Variants in MIOS observed in about 807,000 individuals in gnomAD.
The protein encoded by MIOS is GATOR2 complex protein MIOS.
MIOS carries 52 observed loss-of-function variants against 96.9 expected under a neutral mutation model. The observed-to-expected ratio is 0.54, with a 90% CI of 0.43 to 0.68. The LOEUF (loss-of-function observed/expected upper bound fraction) is 0.68, where lower values mean the gene tolerates loss of function less well. MIOS is among the 30% of genes least tolerant of loss of function. MIOS has a pLI of 0.00. For missense variants in MIOS, 1,005 were observed against 1,052.8 expected (o/e 0.95, Z 0.63); for synonymous variants, 397 against 359.5 (o/e 1.10, Z -1.18).
rs4222 is a variant in MIOS at position 7,607,056 on chromosome 7, A to T, written c.2592A>T (p.Thr864=). ...CTCKCMQLDT[T]GNLVPAETVQ... ...GTAAATGTATGCAGTTGGATACAACAGGGAATCTGGTACCTGCAGAGACTG... is the reference window on the plus strand; with the variant it reads ...GTAAATGTATGCAGTTGGATACAACTGGGAATCTGGTACCTGCAGAGACTG... Residue 864 remains threonine, a synonymous_variant, in exon 13 of 13, where the codon ACA becomes ACT. Transcript: ENST00000340080. 1.2e-6 allele frequency: 2 copies of T among 1,612,730 alleles called. No individual in the cohort carries two copies. The highest frequency in any genetic ancestry group is 1.1e-5 in the South Asian group (1 of 90,992).
chr7:7,574,039 A>G, intron 4 of MIOS, 59 bp from the exon 5 acceptor site: 1 of 1,349,148 alleles, frequency 7.4e-7, no homozygotes. Context: ...AAATCAAAAT[A>G]AATTTAGCTT....
chr7:7,571,731 G>A (rs1318167532), intron 3 of MIOS, among the ~76,000 whole-genome samples: 1 of 152,138 alleles, frequency 6.6e-6, no homozygotes, highest in Non-Finnish European at 1.5e-5. Flanking sequence ...CTAATATACG[G>A]CAGAGCTAGG....
Position 7,608,048 on chromosome 7 carries a change from T to C in MIOS, c.*956T>C, listed in dbSNP as rs1221931240. On this transcript the variant is annotated 3_prime_UTR_variant, in exon 13 of 13. Coordinates refer to ENST00000340080, the MANE Select transcript of MIOS (RefSeq NM_019005.4). ...CCTGATTTGGAATACCATACCTTGT[T>C]CTTTCCAAGGTAGACTAGGAAGTGT... 3 of 152,268 alleles carry C rather than the reference T, an allele frequency of 2.0e-5. No homozygotes were observed. Among genetic ancestry groups the C allele is most frequent in the Admixed American group, 2.0e-4 (3 of 15,264 alleles). 9.4% of individuals were successfully genotyped at this position (152,268 alleles called of 1,614,324 possible). A position where few individuals can be genotyped will look rare whatever the true frequency, so the allele number is the denominator to read the frequency against.
At chr7:7,579,177 T>C (rs905546873) in intron 5 of MIOS, among the ~76,000 whole-genome samples, 1 of 152,218 alleles carries the variant, frequency 6.6e-6, no homozygotes, top group Non-Finnish European at 1.5e-5. Flanking sequence ...TTCAGAGATA[T>C]ATTAAAAATT....
rs1440644171 is a variant in MIOS, at chr7:7,606,058, C to T, written c.2518C>T (p.Leu840Phe). 1.2e-6 allele frequency: 2 copies of T among 1,613,614 alleles called. No individual in the cohort carries two copies. The highest frequency in any genetic ancestry group is 1.1e-5 in the South Asian group (1 of 91,032). ...GCACGGTGGACATGCTGGACATATG[C>T]TTAGTTGGTTCAGGTAATCAGCACA... Reference protein sequence around the residue: ...CRHGGHAGHMLSWFRDHAECP... With the variant: ...CRHGGHAGHMFSWFRDHAECP... The change falls in exon 12 of 13, where the codon CTT becomes TTT. Residue 840 changes from leucine to phenylalanine, a missense_variant. This residue lies in a region of MIOS where 865 missense variants were observed against 887.9 expected (regional missense o/e 0.97). Transcript: ENST00000340080.
chr7:7,599,685 A>G (rs549599110), intron 11 of MIOS, among the ~76,000 whole-genome samples: 8 of 152,318 alleles, frequency 5.3e-5, no homozygotes, highest in African/African-American at 1.9e-4. Context: ...AAGTGAACTG[A>G]TAAGAAACAG....
intron 8 of MIOS, 124 bp downstream of exon 8, chr7:7,588,687 T>G (rs1341299314): frequency 4.0e-6 from 2 of 493,972 alleles, no homozygotes; most frequent in African/African-American, 2.0e-5. Flanking sequence ...AAAAGTATGG[T>G]AAGAATTTAT....
In MIOS at chr7:7,574,347, G is replaced by C; in HGVS notation, c.1393+151G>C. 4 of 561,618 alleles carry C rather than the reference G, an allele frequency of 7.1e-6. No homozygotes were observed. In the South Asian group the frequency reaches 9.1e-5, roughly 13 times the overall value. The allele number at this position is 561,618 out of a possible 1,614,324, so 34.8% of individuals were successfully genotyped here. ...TGATTGGATATTTCATTGTATTGTT[G>C]AGTTAAATGCATACTTGTATTTATA... On this transcript the variant is annotated intron_variant, in intron 5 of 12. Transcript: ENST00000340080.
chr7:7,574,126 T>C lies in MIOS; in HGVS notation c.1323T>C (p.Asp441=). 1.2e-6 allele frequency: 2 copies of C among 1,610,940 alleles called. No individual in the cohort carries two copies. Among genetic ancestry groups the C allele is most frequent in the Non-Finnish European group, 1.7e-6 (2 of 1,178,102 alleles). ...HFMKQYTEDM[D]QKSPGNKGSL... is the part of the protein sequence containing the mutation. Reference sequence around the variant, plus strand: ...TGAAGCAATACACAGAAGATATGGATCAGAAATCTCCAGGCAACAAAGGAT... The same window carrying C: ...TGAAGCAATACACAGAAGATATGGACCAGAAATCTCCAGGCAACAAAGGAT... Residue 441 remains aspartate, a synonymous_variant, in exon 5 of 13, where the codon GAT becomes GAC. Coordinates refer to ENST00000340080, the MANE Select transcript of MIOS (RefSeq NM_019005.4).
At chr7:7,567,526 A>G (rs1187104307) in intron 1 of MIOS, 81 bp from the exon 2 acceptor site, 1 of 152,246 alleles carries the variant, frequency 6.6e-6, no homozygotes, top group Non-Finnish European at 1.5e-5. Flanking sequence ...GAAAATTAAG[A>G]GGATGAATGA....
chr7:7,585,312 T>C (rs1046056594), intron 6 of MIOS, among the ~76,000 whole-genome samples: 1 of 152,044 alleles, frequency 6.6e-6, no homozygotes, highest in African/African-American at 2.4e-5. Context: ...TCTGCTTCCC[T>C]GCACAGAGTT....
In MIOS at chr7:7,607,606, A is replaced by AT. The variant is rs1784567234; in HGVS notation, c.*520dup. 1.3e-5 allele frequency: 2 copies of AT among 152,962 alleles called. No homozygotes were observed. The highest frequency in any genetic ancestry group is 2.9e-5 in the Non-Finnish European group (2 of 68,620). 9.5% of individuals were successfully genotyped at this position (152,962 alleles called of 1,614,324 possible). The stretch of plus-strand genomic sequence containing the variant: ...GAGCCCCTATCCCACACTGGAGAAT[A>AT]TTTTTTATTACTGTCTGTTATATAT... On this transcript the variant is annotated 3_prime_UTR_variant, in exon 13 of 13. Transcript: ENST00000340080.
chr7:7,596,146 A>C, intron 10 of MIOS, 111 bp from the exon 11 acceptor site: 1 of 928,370 alleles, frequency 1.1e-6, no homozygotes. Flanking sequence ...TGAAATATAA[A>C]ATAAAGTTTT....
At chr7:7,577,023 C>T (rs190924645) in intron 5 of MIOS, among the ~76,000 whole-genome samples, 1 of 152,124 alleles carries the variant, frequency 6.6e-6, no homozygotes, top group East Asian at 1.9e-4. Context: ...GTAGAGACGT[C>T]CATTGGGCAA....
chr7:7,593,843 C>T (rs567342328), intron 9 of MIOS, among the ~76,000 whole-genome samples: 1 of 141,540 alleles, frequency 7.1e-6, no homozygotes, highest in Non-Finnish European at 1.5e-5. Flanking sequence ...CGTGCCACTG[C>T]GCTCCAGCCT....
intron 9 of MIOS, among the ~76,000 whole-genome samples, chr7:7,594,197 C>G (rs745566183): frequency 7.2e-5 from 11 of 151,974 alleles, no homozygotes; most frequent in Non-Finnish European, 1.6e-4. Context: ...GTTTAACTTA[C>G]AGATAAGTAG....
intron 5 of MIOS, among the ~76,000 whole-genome samples, chr7:7,577,616 G>A (rs1157547866): frequency 6.6e-6 from 1 of 152,190 alleles, no homozygotes; most frequent in Non-Finnish European, 1.5e-5. Context: ...CTAGAAATGG[G>A]AGGGAATGGG....
At chr7:7,601,330 C>G (rs540244958) in intron 11 of MIOS, among the ~76,000 whole-genome samples, 1 of 150,172 alleles carries the variant, frequency 6.7e-6, no homozygotes, top group Non-Finnish European at 1.5e-5. Flanking sequence ...GCTAGCAAGA[C>G]TAATAAAGAA....
intron 9 of MIOS, among the ~76,000 whole-genome samples, chr7:7,591,390 C>T (rs1784044947): frequency 6.6e-6 from 1 of 151,404 alleles, no homozygotes; most frequent in Admixed American, 6.6e-5. Context: ...AGCAATCCTC[C>T]CACCTCAGCC....
Sources: allele counts gnomAD v4.1 joint callset (sites outside exome capture counted in the v4.1 genomes callset), GRCh38; gene constraint gnomAD v4.1.1; regional missense constraint gnomAD v4.1.1; transcripts MANE v1.5; gene names NCBI Gene and HGNC (gene_info 2026-07-23, HGNC 2026-07-21).